PREX1: variants seen among roughly 807,000 people sequenced by gnomAD.
PREX1 encodes the protein phosphatidylinositol-3,4,5-trisphosphate dependent Rac exchange factor 1.
PREX1 carries 41 observed loss-of-function variants against 198.3 expected under a neutral mutation model. The ratio of observed to expected loss-of-function variants is 0.21; its 90% CI spans 0.16 to 0.27. The LOEUF (loss-of-function observed/expected upper bound fraction) is 0.27. Among genes scored for constraint, PREX1 ranks in the 10% least tolerant of loss-of-function variants. The probability of loss-of-function intolerance (pLI) is 1.00; values close to 1 mark genes in which losing one functional copy is unlikely to be tolerated. For synonymous variants in PREX1, 843 were observed against 887.2 expected (o/e 0.95, Z 0.89); for missense variants, 1,620 against 2,200.7 (o/e 0.74, Z 5.28).
chr20:48,781,770 T>C (rs2090290818), intron 1 of PREX1, among the ~76,000 whole-genome samples: 2 of 152,210 alleles, frequency 1.3e-5, no homozygotes, highest in African/African-American at 4.8e-5. Flanking sequence ...CCAGGAGCTA[T>C]TATGAAGCTC....
At chr20:48,873,494 A>G in the PREX1 span, among the ~76,000 whole-genome samples, 2 of 145,040 alleles carry the variant, frequency 1.4e-5, no homozygotes, top group African/African-American at 5.1e-5. Flanking sequence ...AGGTCACCTG[A>G]GGTCAGGAGT....
intron 4 of PREX1, among the ~76,000 whole-genome samples, chr20:48,731,493 T>C (rs867586657): frequency 3.3e-5 from 5 of 152,228 alleles, no homozygotes; most frequent in Admixed American, 2.0e-4. Context: ...TACCGCATTA[T>C]AGGTGCTTAG....
intron 14 of PREX1, among the ~76,000 whole-genome samples, chr20:48,672,133 C>T (rs184885537): frequency 6.6e-6 from 1 of 152,208 alleles, no homozygotes; most frequent in Admixed American, 6.5e-5. Context: ...TTTACTGGTT[C>T]CTCCTCCTCC....
At chr20:48,798,341 A>G (rs1445841783) in intron 1 of PREX1, among the ~76,000 whole-genome samples, 1 of 152,012 alleles carries the variant, frequency 6.6e-6, no homozygotes, top group Non-Finnish European at 1.5e-5. Flanking sequence ...TACCTAACCA[A>G]TCTTGCTGCT....
At chr20:48,646,340 T>C (rs1433403645) in intron 25 of PREX1, among the ~76,000 whole-genome samples, 2 of 152,112 alleles carry the variant, frequency 1.3e-5, no homozygotes, top group African/African-American at 4.8e-5. Flanking sequence ...ACCTGGACAG[T>C]GTGGAAGCAA....
Position 48,653,365 on chromosome 20 carries a change from G to C in PREX1, c.2342C>G (p.Ala781Gly). The stretch of plus-strand genomic sequence containing the variant: ...CCCGGTTTCCAGTAAACTTACCAGG[G>C]CCTCTTCGCGCCGACTCCGGAATGC... The part of the protein sequence containing the change: ...FQAFRSRREE[A>G]LGLYQWIYHT... Residue 781 changes from alanine (A) to glycine (G), a missense_variant, in exon 20 of 40, where the codon GCC (alanine) becomes GGC (glycine). Physicochemically the swap from Ala to Gly is moderately conservative, Grantham distance 60 (BLOSUM62 0). This residue lies in a region of PREX1 where 514 missense variants were observed against 611.6 expected (regional missense o/e 0.84). Transcript: ENST00000371941. The C allele has an allele frequency of 6.2e-7, 1 of 1,612,396 alleles. No homozygotes were observed. Among genetic ancestry groups the C allele is most frequent in the East Asian group, 2.2e-5 (1 of 44,804 alleles).
At chr20:48,873,700 A>T in the PREX1 span, among the ~76,000 whole-genome samples, 1 of 152,188 alleles carries the variant, frequency 6.6e-6, no homozygotes, top group South Asian at 2.1e-4. Context: ...AGCCTGGATG[A>T]CAATAGCGAG....
chr20:48,690,830 AC>A, intron 9 of PREX1, 116 bp downstream of exon 9: 2 of 1,418,552 alleles, frequency 1.4e-6, no homozygotes, highest in Non-Finnish European at 1.9e-6. Context: ...CCTGCTTCTT[AC>A]AGCTCTGATC....
chr20:48,665,922 T>G (rs2089636841), intron 15 of PREX1, among the ~76,000 whole-genome samples: 1 of 152,072 alleles, frequency 6.6e-6, no homozygotes, highest in African/African-American at 2.4e-5. Flanking sequence ...CTGCCCACTG[T>G]CCCACAGGGC....
chr20:48,843,387 T>C, the PREX1 span, among the ~76,000 whole-genome samples: 1 of 152,174 alleles, frequency 6.6e-6, no homozygotes, highest in East Asian at 1.9e-4. Flanking sequence ...TCATGTATTT[T>C]CTACTAGAAA....
intron 4 of PREX1, among the ~76,000 whole-genome samples, chr20:48,728,572 C>T (rs946605784): frequency 7.2e-5 from 11 of 152,338 alleles, no homozygotes; most frequent in African/African-American, 2.6e-4. Flanking sequence ...TGGGAGATGC[C>T]GGGCCCCACG....
intron 5 of PREX1, among the ~76,000 whole-genome samples, chr20:48,720,158 T>C (rs2122676254): frequency 6.6e-6 from 1 of 152,344 alleles, no homozygotes; most frequent in African/African-American, 2.4e-5. Context: ...TTCAGGTCTT[T>C]GCTCAAATGT....
At chr20:48,692,853 C>T (rs2089826578) in intron 7 of PREX1, 63 bp from the exon 8 acceptor site, 1 of 1,381,238 alleles carries the variant, frequency 7.2e-7, no homozygotes, top group Admixed American at 1.7e-5. Flanking sequence ...CTGTTTTCAA[C>T]AGCGCAAAGG....
chr20:48,706,255 T>C (rs1336647422), intron 6 of PREX1, among the ~76,000 whole-genome samples: 2 of 152,328 alleles, frequency 1.3e-5, no homozygotes, highest in East Asian at 3.9e-4. Flanking sequence ...GCTTGCTCAA[T>C]ACCCTCTCCT....
chr20:48,740,138 T>C (rs1045252591), intron 3 of PREX1, among the ~76,000 whole-genome samples: 3 of 152,142 alleles, frequency 2.0e-5, no homozygotes, highest in Non-Finnish European at 4.4e-5. Flanking sequence ...TGTTCCCGAT[T>C]AGCATCTCAC....
chr20:48,670,024 G>A (rs2089664769), intron 14 of PREX1, among the ~76,000 whole-genome samples: 1 of 152,124 alleles, frequency 6.6e-6, no homozygotes, highest in African/African-American at 2.4e-5. Flanking sequence ...GGTTGACCTG[G>A]AGACAATCAC....
At chr20:48,679,942 T>G (rs772511769) in intron 11 of PREX1, among the ~76,000 whole-genome samples, 188 bp from the exon 12 acceptor site, 12 of 152,060 alleles carry the variant, frequency 7.9e-5, no homozygotes, top group Non-Finnish European at 1.6e-4. Flanking sequence ...GTGCTATGAC[T>G]TCCCCATTTT....
chr20:48,737,262 G>A (rs573154599), intron 3 of PREX1, among the ~76,000 whole-genome samples: 2 of 148,390 alleles, frequency 1.3e-5, no homozygotes, highest in Non-Finnish European at 3.0e-5. Context: ...AGAGTCAGGA[G>A]GAAGGCAGCA....
chr20:48,709,576 T>C (rs965698533), intron 5 of PREX1, among the ~76,000 whole-genome samples: 1 of 152,208 alleles, frequency 6.6e-6, no homozygotes, highest in African/African-American at 2.4e-5. Flanking sequence ...GCTTCTGTTA[T>C]TAGACCATTT....
Sources: gnomAD v4.1 joint callset for allele counts (sites outside exome capture counted in the v4.1 genomes callset) on GRCh38, gnomAD v4.1.1 for gene constraint, gnomAD v4.1.1 regional missense constraint, MANE v1.5 for transcripts, NCBI Gene and HGNC (gene_info 2026-07-23, HGNC 2026-07-21) for gene names.